Variants in COL21A1 observed in about 807,000 individuals in gnomAD.
COL21A1 encodes the protein collagen alpha-1(XXI) chain.
COL21A1 carries 149 observed loss-of-function variants against 137.9 expected under a neutral mutation model. The ratio of observed to expected loss-of-function variants is 1.08; its 90% CI spans 0.95 to 1.24. The LOEUF (loss-of-function observed/expected upper bound fraction) is 1.24. Among genes scored for constraint, COL21A1 ranks in the 50% most tolerant of loss-of-function variants. The pLI is 0.00. For missense variants in COL21A1, 1,167 were observed against 1,158.4 expected, an observed-to-expected ratio of 1.01 and a Z score of -0.11; for synonymous variants, 456 against 391.5, an observed-to-expected ratio of 1.16 and a Z score of -1.95.
intron 24 of COL21A1, among the ~76,000 whole-genome samples, chr6:56,061,899 CT>C (rs1181818825): frequency 6.6e-6 from 1 of 152,050 alleles, no homozygotes; most frequent in African/African-American, 2.4e-5. Context: ...ATTTGCTTAA[CT>C]GTTTCCTTCT....
chr6:56,297,673 C>G (rs13202635), intron 1 of COL21A1, among the ~76,000 whole-genome samples: 2 of 151,700 alleles, frequency 1.3e-5, no homozygotes, highest in Admixed American at 1.3e-4. Context: ...AAGTAAAATC[C>G]CTAAAAAACA....
upstream of COL21A1, among the ~76,000 whole-genome samples, chr6:56,250,263 C>T (rs990029120): frequency 2.6e-5 from 4 of 152,254 alleles, no homozygotes; most frequent in Admixed American, 2.6e-4. Flanking sequence ...GCAGATATAA[C>T]CAAGGTTTTA....
chr6:56,121,002 A>G (rs970760283), intron 16 of COL21A1, among the ~76,000 whole-genome samples: 2 of 152,176 alleles, frequency 1.3e-5, no homozygotes, highest in African/African-American at 4.8e-5. Flanking sequence ...TGTGGCACAT[A>G]CACACAATGG....
At position 56,075,482 on chromosome 6, in the gene COL21A1, C is replaced by CA. The variant is rs774768188; in HGVS notation, c.1907dup (p.Met636IlefsTer20). On this transcript the variant is annotated frameshift_variant, in exon 19 of 30. Transcript: ENST00000244728. LOFTEE classifies it high-confidence loss of function. ...GATGATAATGACATCAACATACAGG[C>CA]ATCCCTGGGGCTCCTTTTTTTCCTT... is the stretch of plus-strand genomic sequence containing the variant. 1.9e-6 allele frequency: 3 copies of CA among 1,538,602 alleles called. No individual in the cohort carries two copies. Among genetic ancestry groups the CA allele is most frequent in the Non-Finnish European group, 2.6e-6 (3 of 1,141,696 alleles).
chr6:56,284,494 G>A (rs1327165880), intron 1 of COL21A1, among the ~76,000 whole-genome samples: 4 of 152,126 alleles, frequency 2.6e-5, no homozygotes, highest in African/African-American at 7.2e-5. Flanking sequence ...GACTGTGTGA[G>A]TCTATCCCAG....
At chr6:56,378,744 A>C (rs1468740066) in intron 1 of COL21A1, among the ~76,000 whole-genome samples, 1 of 152,188 alleles carries the variant, frequency 6.6e-6, no homozygotes, top group Non-Finnish European at 1.5e-5. Context: ...CGCAATAGCC[A>C]GAGAGTGGTT....
At chr6:56,127,065 T>C (rs900935695) in intron 12 of COL21A1, among the ~76,000 whole-genome samples, 3 of 152,178 alleles carry the variant, frequency 2.0e-5, no homozygotes, top group Admixed American at 6.5e-5. Context: ...CACCAAACCA[T>C]TGGTTATAGC....
rs189716029 is a variant in COL21A1 at position 56,289,299 on chromosome 6, G to A, written c.-39+104672C>T. 1.7e-3 allele frequency among the ~76,000 whole-genome samples: 264 copies of A among 152,272 alleles called. 1 individual carries two copies. Among genetic ancestry groups the A allele is most frequent in the Middle Eastern group, 3.4e-3 (1 of 294 alleles). ...ACTTTGGGACTGTCATTCTTGTGAC[G>A]CCAGAGTTCCTTCCAGCAATATACA... On this transcript the variant is annotated intron_variant, in intron 1 of 28. Transcript: ENST00000370819.
chr6:56,115,892 A>T (rs1771876432), intron 16 of COL21A1, among the ~76,000 whole-genome samples: 1 of 152,088 alleles, frequency 6.6e-6, no homozygotes, highest in African/African-American at 2.4e-5. Flanking sequence ...ATACTGAACA[A>T]TGTATCAGAG....
chr6:56,153,523 T>A (rs1775487861), intron 10 of COL21A1, among the ~76,000 whole-genome samples: 1 of 151,988 alleles, frequency 6.6e-6, no homozygotes, highest in South Asian at 2.1e-4. Context: ...ATTCTACTGC[T>A]CTGGGTCTCT....
At chr6:56,301,340 C>G (rs952980467) in intron 1 of COL21A1, among the ~76,000 whole-genome samples, 3 of 152,146 alleles carry the variant, frequency 2.0e-5, no homozygotes, top group Non-Finnish European at 4.4e-5. Flanking sequence ...GAAGACACCA[C>G]AAGCCAAGGA....
At chr6:56,308,429 C>T (rs938354144) in intron 1 of COL21A1, among the ~76,000 whole-genome samples, 2 of 152,160 alleles carry the variant, frequency 1.3e-5, no homozygotes, top group African/African-American at 4.8e-5. Context: ...GGGACTAAGA[C>T]AATAAATTAA....
intron 1 of COL21A1, among the ~76,000 whole-genome samples, chr6:56,327,674 A>C (rs1247859383): frequency 1.3e-5 from 2 of 152,088 alleles, no homozygotes; most frequent in African/African-American, 4.8e-5. Context: ...CCAGTTTGGA[A>C]TCGTGGCTGA....
intron 1 of COL21A1, among the ~76,000 whole-genome samples, chr6:56,238,894 T>G (rs1265012003): frequency 6.6e-6 from 1 of 152,218 alleles, no homozygotes. Context: ...CTGAATACTT[T>G]GTATCTGCCA....
chr6:56,158,060 C>T (rs1171181985), intron 9 of COL21A1, among the ~76,000 whole-genome samples: 2 of 152,042 alleles, frequency 1.3e-5, no homozygotes, highest in East Asian at 1.9e-4. Flanking sequence ...GAAAGCAACA[C>T]TTTTTGTGAG....
chr6:56,294,491 C>T (rs1013315097), intron 1 of COL21A1, among the ~76,000 whole-genome samples: 6 of 152,010 alleles, frequency 3.9e-5, no homozygotes. Context: ...ATTCCCTTTG[C>T]CCATATACAC....
intron 1 of COL21A1, among the ~76,000 whole-genome samples, chr6:56,200,566 T>C (rs915886028): frequency 6.6e-6 from 1 of 150,728 alleles, no homozygotes; most frequent in African/African-American, 2.4e-5. Flanking sequence ...TGGTTTTTTG[T>C]CCTTGTGATA....
chr6:56,070,659 A>C, intron 21 of COL21A1, 86 bp downstream of exon 21: 3 of 878,270 alleles, frequency 3.4e-6, no homozygotes, highest in Non-Finnish European at 5.2e-6. Flanking sequence ...ATCTCTTCAG[A>C]GATATAAAAT....
At chr6:56,092,144 A>G (rs1768878539) in intron 17 of COL21A1, among the ~76,000 whole-genome samples, 2 of 152,136 alleles carry the variant, frequency 1.3e-5, no homozygotes. Context: ...TCTAGGCCTC[A>G]ATTGTTGTTA....
Sources: allele counts gnomAD v4.1 joint callset (sites outside exome capture counted in the v4.1 genomes callset), GRCh38; gene constraint gnomAD v4.1.1; transcripts MANE v1.5; gene names NCBI Gene and HGNC (gene_info 2026-07-23, HGNC 2026-07-21).